The following TTLL6 variants were observed in gnomAD, a reference collection of about 807,000 sequenced individuals.
TTLL6 encodes tubulin polyglutamylase TTLL6.
Under a neutral mutation model 96.4 loss-of-function variants are expected in TTLL6, and 75 were observed. That is an observed-to-expected ratio of 0.78 (90% CI 0.65 to 0.94). TTLL6 has a LOEUF of 0.94. Ranked by LOEUF, TTLL6 falls within the 40% of genes least tolerant of loss-of-function variation. The pLI is 0.00. For missense variants in TTLL6, 1,030 were observed against 1,093.0 expected (o/e 0.94, Z 0.81); for synonymous variants, 411 against 419.4 (o/e 0.98, Z 0.24).
At position 48,763,607 on chromosome 17, in the gene TTLL6, G is replaced by A. The variant is rs201928988; in HGVS notation, c.*1-634C>T. Among the ~76,000 whole-genome samples the A allele has an allele frequency of 2.1e-4, 32 of 152,138 alleles. No individual in the cohort carries two copies. The East Asian group carries it at 2.9e-3, about 14-fold the overall frequency. On this transcript the variant is annotated intron_variant, in intron 15 of 15. Transcript: ENST00000393382. ...AGGTCAAGAATTTGAGACCAGCCTCGTCAACATGGAGAAACCCCATCTCTA... is the reference window on the plus strand; with the variant it reads ...AGGTCAAGAATTTGAGACCAGCCTCATCAACATGGAGAAACCCCATCTCTA...
At chr17:48,803,592 C>T (rs983675017) in intron 3 of TTLL6, among the ~76,000 whole-genome samples, 3 of 152,118 alleles carry the variant, frequency 2.0e-5, no homozygotes, top group South Asian at 4.1e-4. Flanking sequence ...GTAACTTGTA[C>T]TCTGAAACAG....
chr17:48,804,514 T>A (rs1299224361), intron 2 of TTLL6: 1 of 627,978 alleles, frequency 1.6e-6, no homozygotes, highest in East Asian at 3.3e-5. Flanking sequence ...TGCTATTTTT[T>A]AAAGGCATCC....
Position 48,787,857 on chromosome 17 carries a change from G to C in TTLL6, c.1543C>G (p.Leu515Val). 6.2e-7 allele frequency: 1 copy of C among 1,614,216 alleles called. No homozygotes were observed. The highest frequency in any genetic ancestry group is 8.5e-7 in the Non-Finnish European group (1 of 1,180,034). ...CTGGAAGCAACAGTATTCTGGAAGA[G>C]GGAGTTGTTGTCCTGGAAAAACTTC... ...YEKFFQDNNS[L>V]FQNTVASRAR... is the part of the protein sequence containing the mutation. Residue 515 changes from leucine (L) to valine (V), a missense_variant, in exon 11 of 16, where the codon CTC (leucine) becomes GTC (valine). Coordinates refer to ENST00000393382, the MANE Select transcript of TTLL6 (RefSeq NM_001130918.3).
intron 7 of TTLL6, among the ~76,000 whole-genome samples, chr17:48,796,359 T>C (rs2039316848): frequency 6.6e-6 from 1 of 152,200 alleles, no homozygotes; most frequent in African/African-American, 2.4e-5. Context: ...TGGTGGCTCA[T>C]GCCTGTAATC....
At chr17:48,774,097 A>C (rs1597963961) in intron 13 of TTLL6, among the ~76,000 whole-genome samples, 21 of 110,014 alleles carry the variant, frequency 1.9e-4, no homozygotes, top group African/African-American at 8.3e-4. Context: ...AAAACAAAAC[A>C]AAAAAAAAAA....
rs1169354499 is a variant in TTLL6 at position 48,769,211 on chromosome 17, G to T, written c.2454C>A (p.Ser818Arg). The change falls in exon 15 of 16, where the codon AGC (serine) becomes AGA (arginine). Residue 818 changes from serine to arginine, a missense_variant. Coordinates refer to ENST00000393382, the MANE Select transcript of TTLL6 (RefSeq NM_001130918.3). ...LPGECHSRSD[S>R]SGEKRQLDVS... ...CATCCAGCTGCCTCTTCTCGCCAGA[G>T]CTGTCACTGCGGGAGTGGCACTCCC... 1 of 1,612,980 alleles carries T rather than the reference G, an allele frequency of 6.2e-7. No homozygotes were observed. Among genetic ancestry groups the T allele is most frequent in the East Asian group, 2.2e-5 (1 of 44,840 alleles).
At chr17:48,794,460 G>T in intron 8 of TTLL6, 1 of 1,221,408 alleles carries the variant, frequency 8.2e-7, no homozygotes, top group Non-Finnish European at 1.1e-6. Flanking sequence ...AGAAGTGCAG[G>T]CTCAGAGAGA....
chr17:48,794,315 C>A (rs1252028729), intron 8 of TTLL6: 2 of 1,608,610 alleles, frequency 1.2e-6, no homozygotes, highest in South Asian at 1.1e-5. Context: ...CCATTCTGTG[C>A]CCTTAGACTA....
chr17:48,792,395 C>T (rs1224503246), intron 8 of TTLL6, among the ~76,000 whole-genome samples: 1 of 152,148 alleles, frequency 6.6e-6, no homozygotes, highest in Non-Finnish European at 1.5e-5. Context: ...CTCACATGCA[C>T]ACAAATGTGC....
rs1219846756 is a variant in TTLL6, at chr17:48,774,223, C to T, written c.2041-4126G>A. On this transcript the variant is annotated intron_variant, in intron 13 of 15. Coordinates refer to ENST00000393382, the MANE Select transcript of TTLL6 (RefSeq NM_001130918.3). Reference sequence around the variant, plus strand: ...GACAAAACTCAATGAAACCAAAATCCAGGTTTGTTGTTTTTTTTTTTTTTT... The same window carrying T: ...GACAAAACTCAATGAAACCAAAATCTAGGTTTGTTGTTTTTTTTTTTTTTT... Among the ~76,000 whole-genome samples the T allele has an allele frequency of 6.5e-5, 8 of 123,602 alleles. No homozygotes were observed. In the East Asian group the frequency reaches 1.8e-3, roughly 28 times the overall value. 81.1% of individuals were successfully genotyped at this position (123,602 alleles called of 152,430 possible).
intron 8 of TTLL6, among the ~76,000 whole-genome samples, chr17:48,795,469 A>T (rs1161399820): frequency 6.6e-6 from 1 of 152,176 alleles, no homozygotes; most frequent in Non-Finnish European, 1.5e-5. Flanking sequence ...TCAAGTTCAC[A>T]TTCTTCAGTC....
At chr17:48,793,405 G>A (rs1567728111) in intron 8 of TTLL6, among the ~76,000 whole-genome samples, 1 of 152,096 alleles carries the variant, frequency 6.6e-6, no homozygotes. Context: ...TATGGGCGAT[G>A]GCTGATGTTG....
chr17:48,768,492 G>A (rs953821714), intron 15 of TTLL6, among the ~76,000 whole-genome samples: 1 of 151,710 alleles, frequency 6.6e-6, no homozygotes, highest in African/African-American at 2.4e-5. Flanking sequence ...GAATGGTCTC[G>A]ATTTCCTGAC....
rs773833526 is a variant in TTLL6 at position 48,794,325 on chromosome 17, A to G, written c.998+1736T>C. ...CCTTTCCATTCTGTGCCCTTAGACT[A>G]AGGAAAAATGACAGTAACCACGCAC... On this transcript the variant is annotated intron_variant, in intron 8 of 15. Transcript: ENST00000393382. 1.9e-5 allele frequency: 31 copies of G among 1,604,420 alleles called. No individual in the cohort carries two copies. The African/African-American group carries it at 3.8e-4, about 19-fold the overall frequency.
intron 8 of TTLL6, 81 bp downstream of exon 8, chr17:48,795,980 C>T: frequency 8.6e-7 from 1 of 1,167,692 alleles, no homozygotes; most frequent in South Asian, 1.4e-5. Context: ...CTGATGGGGA[C>T]TAACAGGGTT....
intron 13 of TTLL6, among the ~76,000 whole-genome samples, chr17:48,780,838 C>T (rs562427442): frequency 6.6e-6 from 1 of 152,228 alleles, no homozygotes; most frequent in East Asian, 1.9e-4. Flanking sequence ...TTTTTTAAGG[C>T]TGAATAATAT....
chr17:48,806,479 C>T (rs112104955), intron 1 of TTLL6, among the ~76,000 whole-genome samples: 3,775 of 152,036 alleles, frequency 0.025, 162 homozygotes, highest in African/African-American at 0.086. Flanking sequence ...TCTTCACCTC[C>T]GAAAATCCTG....
Position 48,768,952 on chromosome 17 carries a change from C to A in TTLL6, c.*37G>T, listed in dbSNP as rs72831857. 8.1e-6 allele frequency: 13 copies of A among 1,597,436 alleles called. No individual in the cohort carries two copies. In the Middle Eastern group the frequency reaches 1.8e-3, roughly 226 times the overall value. ...CAGAAAAACACAGAGCACCTGCCAACGCACCAAATTCATTAAGGGAATATG... is the reference window on the plus strand; with the variant it reads ...CAGAAAAACACAGAGCACCTGCCAAAGCACCAAATTCATTAAGGGAATATG... On this transcript the variant is annotated intron_variant, in intron 15 of 15. Transcript: ENST00000393382.
chr17:48,763,744 A>G (rs951478998), intron 15 of TTLL6, among the ~76,000 whole-genome samples: 1 of 152,160 alleles, frequency 6.6e-6, no homozygotes, highest in Admixed American at 6.5e-5. Context: ...AGTAGCAGTG[A>G]GCCAAGATCA....
Sources: allele counts gnomAD v4.1 joint callset (sites outside exome capture counted in the v4.1 genomes callset), GRCh38; gene constraint gnomAD v4.1.1; transcripts MANE v1.5; gene names NCBI Gene and HGNC (gene_info 2026-07-23, HGNC 2026-07-21).